Variants in USP13 observed in about 807,000 individuals in gnomAD.
USP13 encodes the protein ubiquitin carboxyl-terminal hydrolase 13.
In USP13, 68 loss-of-function variants were observed where a neutral mutation model predicts 107.8. The observed-to-expected ratio is 0.63, with a 90% CI of 0.52 to 0.77. USP13 has a LOEUF of 0.77. Among genes scored for constraint, USP13 ranks in the 30% least tolerant of loss-of-function variants. The pLI is 0.00. For synonymous variants in USP13, 377 were observed against 389.5 expected (o/e 0.97, Z 0.38); for missense variants, 945 against 1,093.3 (o/e 0.86, Z 1.91).
chr3:179,752,418 A>G (rs1409430250), intron 14 of USP13, 45 bp downstream of exon 14: 1 of 1,446,782 alleles, frequency 6.9e-7, no homozygotes, highest in South Asian at 1.1e-5. Flanking sequence ...CAAATGAGCC[A>G]TTTAAACAAC....
chr3:179,676,317 T>C (rs775168615), intron 1 of USP13, among the ~76,000 whole-genome samples: 9 of 152,222 alleles, frequency 5.9e-5, no homozygotes, highest in Non-Finnish European at 8.8e-5. Context: ...ATTCTTCCAG[T>C]TGCATTTCAC....
At chr3:179,753,226 T>C (rs1402642324) in intron 14 of USP13, among the ~76,000 whole-genome samples, 1 of 152,238 alleles carries the variant, frequency 6.6e-6, no homozygotes, top group Non-Finnish European at 1.5e-5. Context: ...GTAAAAAGGA[T>C]GTAGAATCGG....
intron 1 of USP13, among the ~76,000 whole-genome samples, chr3:179,673,652 A>G (rs1490352262): frequency 6.6e-6 from 1 of 152,124 alleles, no homozygotes; most frequent in African/African-American, 2.4e-5. Flanking sequence ...CTGGGCAGAG[A>G]CTGGCAGAGT....
Position 179,784,171 on chromosome 3 carries a change from GC to G in USP13, c.*32del. ...CAAATATAAAAATTGGCGAAAAGAA[GC>G]CATACGCCTTTTTAATTTGCCAAAA... On this transcript the variant is annotated 3_prime_UTR_variant, in exon 21 of 21. Coordinates refer to ENST00000263966, the MANE Select transcript of USP13 (RefSeq NM_003940.3). 3.3e-6 allele frequency: 5 copies of G among 1,522,644 alleles called. No individual in the cohort carries two copies. The highest frequency in any genetic ancestry group is 4.4e-6 in the Non-Finnish European group (5 of 1,124,978). 94.3% of individuals were successfully genotyped at this position (1,522,644 alleles called of 1,614,324 possible). A position where few individuals can be genotyped will look rare whatever the true frequency, so the allele number is the denominator to read the frequency against.
chr3:179,784,903 A>G lies in USP13; in HGVS notation c.*762A>G, dbSNP rs1164229488. On this transcript the variant is annotated 3_prime_UTR_variant, in exon 21 of 21. Coordinates refer to ENST00000263966, the MANE Select transcript of USP13 (RefSeq NM_003940.3). ...AACTATGACTCAGGAACCTTCGAGA[A>G]GATTAGTTCCCCACTTAGATTTTTA... 6.6e-6 allele frequency: 1 copy of G among 152,236 alleles called. No individual in the cohort carries two copies. The highest frequency in any genetic ancestry group is 1.5e-5 in the Non-Finnish European group (1 of 68,044). 9.4% of individuals were successfully genotyped at this position (152,236 alleles called of 1,614,324 possible). A position where few individuals can be genotyped will look rare whatever the true frequency, so the allele number is the denominator to read the frequency against.
intron 16 of USP13, among the ~76,000 whole-genome samples, chr3:179,759,303 A>T (rs967883975): frequency 1.3e-5 from 2 of 152,178 alleles, no homozygotes; most frequent in Non-Finnish European, 2.9e-5. Context: ...TTCTGGTCTA[A>T]TATTATAAAC....
chr3:179,728,658 C>T (rs1486151645), intron 8 of USP13, among the ~76,000 whole-genome samples: 1 of 152,068 alleles, frequency 6.6e-6, no homozygotes. Flanking sequence ...TGTAGCGAGC[C>T]GAGATCACGC....
rs1237912198 is a variant in USP13, at chr3:179,742,228, A to G, written c.1412A>G (p.Asp471Gly). ...RNRIGSENPSDVFRFLVEERI... is the reference protein window; with the variant it reads ...RNRIGSENPSGVFRFLVEERI... ...CGCATCGGCTCAGAAAACCCAAGCG[A>G]TGTTTTTCGTTTTTTGGTGGAAGAA... Residue 471 changes from aspartate to glycine, a missense_variant, in exon 12 of 21, where the codon GAT becomes GGT. Coordinates refer to ENST00000263966, the MANE Select transcript of USP13 (RefSeq NM_003940.3). This position sits in a 1 kb window ranked among gnomAD's most constrained non-coding sequence, Gnocchi z 5.0. 1 of 1,614,182 alleles carries G rather than the reference A, an allele frequency of 6.2e-7. No individual in the cohort carries two copies. Among genetic ancestry groups the G allele is most frequent in the Non-Finnish European group, 8.5e-7 (1 of 1,180,042 alleles).
In USP13 at chr3:179,720,174, A is replaced by G. The variant is rs149198698; in HGVS notation, c.900+140A>G. On this transcript the variant is annotated intron_variant, in intron 7 of 20. Coordinates refer to ENST00000263966, the MANE Select transcript of USP13 (RefSeq NM_003940.3). ...ATAGGTTTTAGCTTTTAATTGTTGCATTTACTTCTTGCATTTAATTAGTAG... is the reference window on the plus strand; with the variant it reads ...ATAGGTTTTAGCTTTTAATTGTTGCGTTTACTTCTTGCATTTAATTAGTAG... 3 of 538,582 alleles carry G rather than the reference A, an allele frequency of 5.6e-6. No homozygotes were observed. The East Asian group carries it at 1.0e-4, about 18-fold the overall frequency. 33.4% of individuals were successfully genotyped at this position (538,582 alleles called of 1,614,324 possible). A position where few individuals can be genotyped will look rare whatever the true frequency, so the allele number is the denominator to read the frequency against.
chr3:179,716,996 T>C (rs1713134611), intron 6 of USP13, among the ~76,000 whole-genome samples: 1 of 152,222 alleles, frequency 6.6e-6, no homozygotes, highest in South Asian at 2.1e-4. Flanking sequence ...ACTGGTTTGC[T>C]TCTAAAATGA....
At chr3:179,676,292 A>T (rs1250261509) in intron 1 of USP13, among the ~76,000 whole-genome samples, 1 of 152,186 alleles carries the variant, frequency 6.6e-6, no homozygotes, top group Non-Finnish European at 1.5e-5. Context: ...GAATGGACTC[A>T]TACACTGTCC....
intron 2 of USP13, among the ~76,000 whole-genome samples, chr3:179,682,935 A>G (rs1218999280): frequency 6.6e-6 from 1 of 152,138 alleles, no homozygotes; most frequent in Non-Finnish European, 1.5e-5. Flanking sequence ...CTGATCTGCA[A>G]TAATTATGAT....
At chr3:179,665,414 G>A (rs1720558868) in intron 1 of USP13, among the ~76,000 whole-genome samples, 1 of 152,174 alleles carries the variant, frequency 6.6e-6, no homozygotes. Flanking sequence ...ATAGTAATTG[G>A]CTTACATGTT....
chr3:179,687,659 C>CAAAAAAA lies in USP13; in HGVS notation c.295-2562_295-2556dup, dbSNP rs71182509. Among the ~76,000 whole-genome samples the CAAAAAAA allele has an allele frequency of 6.2e-3, 115 of 18,520 alleles. 19 individuals carry two copies. Among genetic ancestry groups the CAAAAAAA allele is most frequent in the Non-Finnish European group, 7.4e-3 (44 of 5,928 alleles). 12.1% of individuals were successfully genotyped at this position (18,520 alleles called of 152,430 possible). ...GGGCAACAAGAGTGAAACTCTGTCT[C>CAAAAAAA]AAAAAAAAAAAAAAAAAAAAAAAAA... On this transcript the variant is annotated intron_variant, in intron 2 of 20. Transcript: ENST00000263966.
chr3:179,781,920 G>T (rs1715761927), intron 20 of USP13, 97 bp downstream of exon 20: 2 of 1,117,756 alleles, frequency 1.8e-6, no homozygotes, highest in East Asian at 4.8e-5. Context: ...TATCTTATTT[G>T]GTTCTCACAT....
At chr3:179,700,936 C>A in intron 3 of USP13, 72 bp from the exon 4 acceptor site, 1 of 1,509,862 alleles carries the variant, frequency 6.6e-7, no homozygotes, top group Non-Finnish European at 8.8e-7. Context: ...TCTGGCTTTT[C>A]CAGTGAGTGC....
intron 6 of USP13, among the ~76,000 whole-genome samples, chr3:179,714,048 C>T (rs779757078): frequency 6.6e-6 from 1 of 152,198 alleles, no homozygotes; most frequent in Non-Finnish European, 1.5e-5. Context: ...AAACAAAAAG[C>T]TTTCCTCTGT....
chr3:179,754,971 C>T, intron 15 of USP13, 117 bp downstream of exon 15: 1 of 1,383,842 alleles, frequency 7.2e-7, no homozygotes, highest in Non-Finnish European at 9.6e-7. Context: ...GGTCTAGCTG[C>T]CTTGCTGTGA....
rs142363555 is a variant in USP13 at position 179,755,322 on chromosome 3, C to T, written c.1921+468C>T. Among the ~76,000 whole-genome samples, 398 of 151,820 alleles carry T rather than the reference C, an allele frequency of 2.6e-3. 2 individuals are homozygous for T. The highest frequency in any genetic ancestry group is 9.2e-3 in the African/African-American group (379 of 41,386). The stretch of plus-strand genomic sequence containing the variant: ...ACATTTTTTTTTTTTTGAGGTGGAG[C>T]CTTGCTCTGTTGCCCAGGCTGGAGT... On this transcript the variant is annotated intron_variant, in intron 15 of 20. Transcript: ENST00000263966.
Sources: allele counts gnomAD v4.1 joint callset (sites outside exome capture counted in the v4.1 genomes callset), GRCh38; gene constraint gnomAD v4.1.1; non-coding constraint Gnocchi (gnomAD v3.1); transcripts MANE v1.5; gene names NCBI Gene and HGNC (gene_info 2026-07-23, HGNC 2026-07-21).